PAX2: variants seen among roughly 807,000 people sequenced by gnomAD.
The protein encoded by PAX2 is paired box 2.
PAX2 carries 9 observed loss-of-function variants against 41.7 expected under a neutral mutation model. That is an observed-to-expected ratio of 0.22 (90% confidence interval 0.13 to 0.38). The LOEUF (loss-of-function observed/expected upper bound fraction) is 0.38, where lower values mean the gene tolerates loss of function less well. Ranked by LOEUF, PAX2 falls within the 10% of genes least tolerant of loss-of-function variation. PAX2 has a pLI of 1.00. For missense variants in PAX2, 418 were observed against 531.6 expected, an observed-to-expected ratio of 0.79 and a Z score of 2.10; for synonymous variants, 221 against 212.7, an observed-to-expected ratio of 1.04 and a Z score of -0.34.
rs11314855 is a variant in PAX2 at position 100,798,104 on chromosome 10, CTTTTTTTT to C, written c.617-8309_617-8302del. ...TCCAAAGCCTTCTTCATGTCCACCTCTTTTTTTTTTTTTTTTTTTTTTTTAGACAGGGT... is the reference window on the plus strand; with the variant it reads ...TCCAAAGCCTTCTTCATGTCCACCTCTTTTTTTTTTTTTTTTAGACAGGGT... On this transcript the variant is annotated intron_variant, in intron 5 of 9. Coordinates refer to ENST00000355243, the MANE Select transcript of PAX2 (RefSeq NM_000278.5). 6.6e-3 allele frequency among the ~76,000 whole-genome samples: 573 copies of C among 86,564 alleles called. 7 individuals carry two copies. The highest frequency in any genetic ancestry group is 0.024 in the African/African-American group (545 of 23,144). 56.8% of individuals were successfully genotyped at this position (86,564 alleles called of 152,430 possible).
chr10:100,788,868 A>ACC (rs139379058), intron 5 of PAX2, among the ~76,000 whole-genome samples: 2 of 148,096 alleles, frequency 1.4e-5, no homozygotes, highest in African/African-American at 2.5e-5. Flanking sequence ...ATGCACACAC[A>ACC]CCCCCCCCGA....
chr10:100,816,962 A>G (rs1399635355), intron 7 of PAX2, among the ~76,000 whole-genome samples: 1 of 152,178 alleles, frequency 6.6e-6, no homozygotes, highest in East Asian at 1.9e-4. Flanking sequence ...TTTTGGAAGG[A>G]TTAGAGCTGA....
chr10:100,753,055 C>T (rs538257242), intron 3 of PAX2, among the ~76,000 whole-genome samples: 13 of 152,288 alleles, frequency 8.5e-5, no homozygotes, highest in African/African-American at 2.4e-4. Flanking sequence ...GGCACACAGG[C>T]TTCCTTTGGG....
chr10:100,828,708 TG>T lies in PAX2; in HGVS notation c.*1095del, dbSNP rs369278768. 1,040 of 233,352 alleles carry T rather than the reference TG, an allele frequency of 4.5e-3. 13 individuals carry two copies. The highest frequency in any genetic ancestry group is 0.021 in the African/African-American group (973 of 45,374). 14.5% of individuals were successfully genotyped at this position (233,352 alleles called of 1,614,324 possible). ...CGTCTGAGCTGCTGCGGGGTGGAAG[TG>T]GGGGGCTGCCCACTCCACTCCTCCC... On this transcript the variant is annotated 3_prime_UTR_variant, in exon 10 of 10. Coordinates refer to ENST00000355243, the MANE Select transcript of PAX2 (RefSeq NM_000278.5). The surrounding 1 kb of genome is among the most constrained non-coding windows in gnomAD (Gnocchi z 6.5).
At chr10:100,737,434 C>A (rs912809946) in intron 1 of PAX2, among the ~76,000 whole-genome samples, 5 of 152,270 alleles carry the variant, frequency 3.3e-5, no homozygotes, top group African/African-American at 1.2e-4. Flanking sequence ...GCGCGTGGCA[C>A]AGCGGCCAGC....
At chr10:100,805,527 C>T (rs992963811) in intron 5 of PAX2, among the ~76,000 whole-genome samples, 1 of 152,128 alleles carries the variant, frequency 6.6e-6, no homozygotes, top group Non-Finnish European at 1.5e-5. Context: ...TCCAAGGAAC[C>T]GACGCTGGGA....
intron 5 of PAX2, among the ~76,000 whole-genome samples, chr10:100,804,415 C>A (rs1423100425): frequency 2.6e-5 from 4 of 152,150 alleles, no homozygotes; most frequent in African/African-American, 9.7e-5. Context: ...ACAAATACAC[C>A]CTCTCTGCCC....
chr10:100,744,885 C>G (rs2133820202), upstream of PAX2, among the ~76,000 whole-genome samples: 1 of 152,288 alleles, frequency 6.6e-6, no homozygotes. Context: ...CGCACAGTCG[C>G]GTGGAACGGG....
chr10:100,766,933 A>G (rs1434991387), intron 3 of PAX2, among the ~76,000 whole-genome samples: 1 of 152,228 alleles, frequency 6.6e-6, no homozygotes, highest in Non-Finnish European at 1.5e-5. Context: ...CAATGAACAC[A>G]ATAATTCAAA....
chr10:100,804,401 G>A (rs890934220), intron 5 of PAX2, among the ~76,000 whole-genome samples: 1 of 152,060 alleles, frequency 6.6e-6, no homozygotes, highest in Non-Finnish European at 1.5e-5. Flanking sequence ...GTGAACACAC[G>A]CTCACAAATA....
In PAX2 at chr10:100,824,845, G is replaced by T. The variant is rs1322641407; in HGVS notation, c.1021+96G>T. On this transcript the variant is annotated intron_variant, in intron 8 of 9. Transcript: ENST00000355243. The surrounding 1 kb of genome is among the most constrained non-coding windows in gnomAD (Gnocchi z 6.6). The stretch of plus-strand genomic sequence containing the variant: ...CTGTAGTCTGAGGCTGGGGTGGGGG[G>T]AGACACAACGTCCCCTCCCTGCAAA... The T allele has an allele frequency of 5.9e-6, 9 of 1,528,242 alleles. No homozygotes were observed. Among genetic ancestry groups the T allele is most frequent in the Non-Finnish European group, 8.2e-6 (9 of 1,101,818 alleles). 94.7% of individuals were successfully genotyped at this position (1,528,242 alleles called of 1,614,324 possible).
chr10:100,799,789 CTTTTTTTT>C (rs56012188), intron 5 of PAX2, among the ~76,000 whole-genome samples: 5 of 89,910 alleles, frequency 5.6e-5, no homozygotes, highest in African/African-American at 7.4e-5. Flanking sequence ...TAGTGTAATT[CTTTTTTTT>C]TTTTTTTTTT....
At chr10:100,792,661 A>G (rs1847170007) in intron 5 of PAX2, among the ~76,000 whole-genome samples, 1 of 152,200 alleles carries the variant, frequency 6.6e-6, no homozygotes, top group South Asian at 2.1e-4. Context: ...AGGAGGTGCT[A>G]GGCACAGGAG....
At chr10:100,797,801 T>C (rs975716317) in intron 5 of PAX2, among the ~76,000 whole-genome samples, 5 of 152,202 alleles carry the variant, frequency 3.3e-5, no homozygotes, top group Non-Finnish European at 7.3e-5. Flanking sequence ...TTATAGCAAG[T>C]GAGCAACAAA....
chr10:100,796,154 G>A (rs531197220), intron 5 of PAX2, among the ~76,000 whole-genome samples: 1 of 152,224 alleles, frequency 6.6e-6, no homozygotes, highest in African/African-American at 2.4e-5. Context: ...ATGCTCATTG[G>A]GAAATACCTG....
intron 5 of PAX2, among the ~76,000 whole-genome samples, chr10:100,798,137 T>C (rs1346663958): frequency 3.3e-5 from 4 of 121,722 alleles, no homozygotes; most frequent in African/African-American, 1.3e-4. Context: ...TTAGACAGGG[T>C]CAGGGTCTCA....
rs1043512712 is a variant in PAX2, at chr10:100,828,668, C to T, written c.*1049C>T. ...ACTCTCAATCTGCCGGTGGTAAGAACCGGTTCTGAGCTGGCGTCTGAGCTG... is the reference window on the plus strand; with the variant it reads ...ACTCTCAATCTGCCGGTGGTAAGAATCGGTTCTGAGCTGGCGTCTGAGCTG... On this transcript the variant is annotated 3_prime_UTR_variant, in exon 10 of 10. Coordinates refer to ENST00000355243, the MANE Select transcript of PAX2 (RefSeq NM_000278.5). The surrounding 1 kb of genome is among the most constrained non-coding windows in gnomAD (Gnocchi z 6.5). The T allele has an allele frequency of 6.0e-5, 14 of 233,430 alleles. No individual in the cohort carries two copies. Among genetic ancestry groups the T allele is most frequent in the African/African-American group, 3.1e-4 (14 of 45,340 alleles). 14.5% of individuals were successfully genotyped at this position (233,430 alleles called of 1,614,324 possible). A position where few individuals can be genotyped will look rare whatever the true frequency, so the allele number is the denominator to read the frequency against.
intron 5 of PAX2, among the ~76,000 whole-genome samples, chr10:100,788,657 G>A (rs889981486): frequency 6.6e-6 from 1 of 152,206 alleles, no homozygotes; most frequent in Non-Finnish European, 1.5e-5. Flanking sequence ...AACCAGAGAG[G>A]GATCTGAGTG....
chr10:100,752,020 T>G (rs561038483), intron 3 of PAX2, among the ~76,000 whole-genome samples: 10 of 152,348 alleles, frequency 6.6e-5, no homozygotes, highest in Middle Eastern at 3.4e-3. Context: ...ATAAAGGATT[T>G]TTTAAATATT....
Sources: gnomAD v4.1 joint callset for allele counts (sites outside exome capture counted in the v4.1 genomes callset) on GRCh38, gnomAD v4.1.1 for gene constraint, Gnocchi (gnomAD v3.1) non-coding constraint, MANE v1.5 for transcripts, NCBI Gene and HGNC (gene_info 2026-07-23, HGNC 2026-07-21) for gene names.